Variants in SLC2A13 observed in about 807,000 individuals in gnomAD.
The protein encoded by SLC2A13 is proton myo-inositol cotransporter.
Under a neutral mutation model 64.4 loss-of-function variants are expected in SLC2A13, and 32 were observed. That is an observed-to-expected ratio of 0.50 (90% CI 0.37 to 0.67). SLC2A13 has a LOEUF of 0.67. Ranked by LOEUF, SLC2A13 falls within the 30% of genes least tolerant of loss-of-function variation. SLC2A13 has a pLI of 0.00. For synonymous variants in SLC2A13, 338 were observed against 327.1 expected (o/e 1.03, Z -0.36); for missense variants, 743 against 829.2 (o/e 0.90, Z 1.28).
chr12:39,895,551 TAC>T (rs1183911411), intron 4 of SLC2A13, among the ~76,000 whole-genome samples: 59 of 66,758 alleles, frequency 8.8e-4, no homozygotes, highest in Non-Finnish European at 1.3e-3. Context: ...TATATATATA[TAC>T]ACACACACAC....
chr12:39,893,593 G>T (rs773648785), intron 4 of SLC2A13, among the ~76,000 whole-genome samples: 5 of 152,140 alleles, frequency 3.3e-5, no homozygotes, highest in African/African-American at 4.8e-5. Flanking sequence ...GAGCCACCAC[G>T]CCAGGCCTAC....
At position 40,066,939 on chromosome 12, in the gene SLC2A13, G is replaced by C. The variant is rs183823456; in HGVS notation, c.557-18729C>G. 4.0e-3 allele frequency among the ~76,000 whole-genome samples: 604 copies of C among 152,232 alleles called. 3 individuals are homozygous for C. The highest frequency in any genetic ancestry group is 6.7e-3 in the Non-Finnish European group (458 of 68,012). On this transcript the variant is annotated intron_variant, in intron 1 of 9. Coordinates refer to ENST00000280871, the MANE Select transcript of SLC2A13 (RefSeq NM_052885.4). ...TAAGGACTTAGTTTTACAATTCTTAGGGAAACTAATTTAAATAAATTCAAA... is the reference window on the plus strand; with the variant it reads ...TAAGGACTTAGTTTTACAATTCTTACGGAAACTAATTTAAATAAATTCAAA...
At chr12:39,860,528 C>T (rs1035730939) in intron 6 of SLC2A13, among the ~76,000 whole-genome samples, 4 of 152,108 alleles carry the variant, frequency 2.6e-5, no homozygotes, top group Non-Finnish European at 4.4e-5. Context: ...TTCCCAAATA[C>T]CTATTCAATA....
intron 6 of SLC2A13, among the ~76,000 whole-genome samples, chr12:39,840,621 C>T (rs959544756): frequency 1.5e-4 from 23 of 151,972 alleles, no homozygotes; most frequent in African/African-American, 5.3e-4. Context: ...CTTTCCTATA[C>T]TTCCTTTGCT....
intron 1 of SLC2A13, among the ~76,000 whole-genome samples, chr12:40,051,760 G>A (rs143758226): frequency 5.1e-4 from 77 of 152,198 alleles, no homozygotes; most frequent in East Asian, 2.1e-3. Flanking sequence ...AAGGGGTGGC[G>A]GACTACTTTT....
chr12:40,096,835 G>A (rs1391995504), intron 1 of SLC2A13, among the ~76,000 whole-genome samples: 2 of 152,010 alleles, frequency 1.3e-5, no homozygotes, highest in Non-Finnish European at 2.9e-5. Context: ...ATCATTTTGT[G>A]AAATTCTAGA....
In SLC2A13 at chr12:39,913,373, A is replaced by T. The variant is rs1030687641; in HGVS notation, c.1034+37884T>A. On this transcript the variant is annotated intron_variant, in intron 4 of 9. Coordinates refer to ENST00000280871, the MANE Select transcript of SLC2A13 (RefSeq NM_052885.4). ...GTCAACATGACAGAACATAGAAAAG[A>T]TCGAAAAAATAAACAATAAAGTACG... is the stretch of plus-strand genomic sequence containing the variant. 2.6e-5 allele frequency among the ~76,000 whole-genome samples: 4 copies of T among 152,070 alleles called. 1 individual carries two copies. Among genetic ancestry groups the T allele is most frequent in the Admixed American group, 1.3e-4 (2 of 15,278 alleles).
At chr12:39,867,182 C>T (rs536755748) in intron 5 of SLC2A13, among the ~76,000 whole-genome samples, 4 of 152,242 alleles carry the variant, frequency 2.6e-5, no homozygotes, top group African/African-American at 9.6e-5. Context: ...CCTATTTTCC[C>T]AAATTACATC....
intron 4 of SLC2A13, among the ~76,000 whole-genome samples, chr12:39,916,572 G>A (rs565985665): frequency 8.6e-5 from 13 of 152,046 alleles, no homozygotes; most frequent in African/African-American, 2.4e-4. Flanking sequence ...TTCGTGTTAC[G>A]AGAAAAACAC....
intron 1 of SLC2A13, among the ~76,000 whole-genome samples, chr12:40,079,679 C>G (rs1048832347): frequency 6.6e-6 from 1 of 152,168 alleles, no homozygotes; most frequent in Non-Finnish European, 1.5e-5. Flanking sequence ...CCTCGATGAT[C>G]TAACACTGTC....
rs111716178 is a variant in SLC2A13 at position 39,825,206 on chromosome 12, C to A, written c.1445+4897G>T. Reference sequence around the variant, plus strand: ...AAGAAAGTGTCCCTCATTAGCAATACTATTTTAAATAGTCAGGAGGTTTGA... The same window carrying A: ...AAGAAAGTGTCCCTCATTAGCAATAATATTTTAAATAGTCAGGAGGTTTGA... On this transcript the variant is annotated intron_variant, in intron 7 of 9. Coordinates refer to ENST00000280871, the MANE Select transcript of SLC2A13 (RefSeq NM_052885.4). Among the ~76,000 whole-genome samples the A allele has an allele frequency of 1.5e-3, 226 of 152,102 alleles. 2 individuals are homozygous for A. Among genetic ancestry groups the A allele is most frequent in the Admixed American group, 3.7e-3 (56 of 15,280 alleles).
intron 5 of SLC2A13, among the ~76,000 whole-genome samples, chr12:39,868,076 A>C (rs1160214094): frequency 6.6e-6 from 1 of 152,236 alleles, no homozygotes; most frequent in Non-Finnish European, 1.5e-5. Context: ...ATGTTTTATC[A>C]GTCCCTTGTT....
intron 7 of SLC2A13, among the ~76,000 whole-genome samples, chr12:39,768,912 C>T (rs1172209293): frequency 2.0e-5 from 3 of 152,032 alleles, no homozygotes; most frequent in Non-Finnish European, 4.4e-5. Flanking sequence ...CTGTGAAGTG[C>T]AATGATGGCA....
chr12:39,859,102 C>G (rs1424007793), intron 6 of SLC2A13, among the ~76,000 whole-genome samples: 1 of 152,018 alleles, frequency 6.6e-6, no homozygotes, highest in Non-Finnish European at 1.5e-5. Flanking sequence ...CATACTGTTT[C>G]ACAAAACCAG....
At chr12:40,078,691 A>G (rs1251158628) in intron 1 of SLC2A13, among the ~76,000 whole-genome samples, 2 of 152,192 alleles carry the variant, frequency 1.3e-5, no homozygotes, top group Non-Finnish European at 2.9e-5. Flanking sequence ...ATTTTCTAGA[A>G]GTTCCAATAG....
At chr12:39,773,054 A>T (rs1251572326) in intron 7 of SLC2A13, among the ~76,000 whole-genome samples, 1 of 152,228 alleles carries the variant, frequency 6.6e-6, no homozygotes, top group Non-Finnish European at 1.5e-5. Context: ...ATTGCAAAAT[A>T]TCCTCATGCT....
At position 39,759,832 on chromosome 12, in the gene SLC2A13, T is replaced by A. The variant is rs1261416728; in HGVS notation, c.*194A>T. 4 of 541,278 alleles carry A rather than the reference T, an allele frequency of 7.4e-6. No individual in the cohort carries two copies. Among genetic ancestry groups the A allele is most frequent in the East Asian group, 3.0e-5 (1 of 33,582 alleles). The allele number at this position is 541,278 out of a possible 1,614,324, so 33.5% of individuals were successfully genotyped here. On this transcript the variant is annotated 3_prime_UTR_variant, in exon 10 of 10. Transcript: ENST00000280871. ...GATTAAAATCTCTGTAAATATTTTTTAAAATATTGTTCCTTGTGGAAAAAA... is the reference window on the plus strand; with the variant it reads ...GATTAAAATCTCTGTAAATATTTTTAAAAATATTGTTCCTTGTGGAAAAAA...
chr12:39,992,991 A>G (rs1947164702), intron 3 of SLC2A13, among the ~76,000 whole-genome samples: 1 of 152,214 alleles, frequency 6.6e-6, no homozygotes, highest in Non-Finnish European at 1.5e-5. Context: ...AAATTGACAG[A>G]TATGAGTACA....
chr12:39,787,498 C>A (rs773323179), intron 7 of SLC2A13, among the ~76,000 whole-genome samples: 13 of 151,966 alleles, frequency 8.6e-5, no homozygotes, highest in Non-Finnish European at 1.9e-4. Context: ...TATTTTTTTC[C>A]TTCAGTTCAC....
Sources: allele counts gnomAD v4.1 joint callset (sites outside exome capture counted in the v4.1 genomes callset), GRCh38; gene constraint gnomAD v4.1.1; transcripts MANE v1.5; gene names NCBI Gene and HGNC (gene_info 2026-07-23, HGNC 2026-07-21).